CLPB: variants seen among roughly 807,000 people sequenced by gnomAD.
The protein encoded by CLPB is mitochondrial disaggregase.
Under a neutral mutation model 78.4 loss-of-function variants are expected in CLPB, and 40 were observed. That is an observed-to-expected ratio of 0.51 (90% CI 0.40 to 0.66). The LOEUF (loss-of-function observed/expected upper bound fraction) is 0.66. CLPB is among the 30% of genes least tolerant of loss of function. The pLI, the probability that CLPB is intolerant of heterozygous loss-of-function variation, is 0.00. For missense variants in CLPB, 780 were observed against 886.9 expected (o/e 0.88, Z 1.53); for synonymous variants, 333 against 348.0 (o/e 0.96, Z 0.48).
chr11:72,418,933 C>T lies in CLPB; in HGVS notation c.455+11379G>A, dbSNP rs549659670. On this transcript the variant is annotated intron_variant, in intron 2 of 15. Coordinates refer to ENST00000538039, the MANE Select transcript of CLPB (RefSeq NM_001258392.3). ...TGACAGAATCACAAGGAGAGGACGACTGATTGCCTTAGAAGGACTTTGGGC... is the reference window on the plus strand; with the variant it reads ...TGACAGAATCACAAGGAGAGGACGATTGATTGCCTTAGAAGGACTTTGGGC... Among the ~76,000 whole-genome samples, 20 of 151,808 alleles carry T rather than the reference C, an allele frequency of 1.3e-4. 1 individual carries two copies. Among genetic ancestry groups the T allele is most frequent in the African/African-American group, 4.8e-4 (20 of 41,406 alleles).
chr11:72,422,064 G>A (rs142167031), intron 2 of CLPB, among the ~76,000 whole-genome samples: 5,692 of 151,972 alleles, frequency 0.037, 333 homozygotes, highest in African/African-American at 0.12. Context: ...TCAGGAGATC[G>A]AGACCATCTT....
intron 3 of CLPB, among the ~76,000 whole-genome samples, chr11:72,394,690 C>T (rs1855353744): frequency 6.6e-6 from 1 of 152,186 alleles, no homozygotes; most frequent in Non-Finnish European, 1.5e-5. Flanking sequence ...AGCAACGATT[C>T]CAAATGGGAT....
chr11:72,425,747 C>G lies in CLPB; in HGVS notation c.455+4565G>C, dbSNP rs150649274. 2.1e-4 allele frequency among the ~76,000 whole-genome samples: 32 copies of G among 152,270 alleles called. No homozygotes were observed. The East Asian group carries it at 6.2e-3, about 29-fold the overall frequency. On this transcript the variant is annotated intron_variant, in intron 2 of 15. Coordinates refer to ENST00000538039, the MANE Select transcript of CLPB (RefSeq NM_001258392.3). ...AGCAAGTGACTTCCCCTCTGCATAC[C>G]CCCCAGGCTGCTCCTTGCCTTATGC...
intron 4 of CLPB, 67 bp downstream of exon 4, chr11:72,380,214 A>G: frequency 8.1e-7 from 1 of 1,235,226 alleles, no homozygotes; most frequent in Non-Finnish European, 1.2e-6. Flanking sequence ...AGCTGACACC[A>G]CAGAGCAAGG....
intron 3 of CLPB, among the ~76,000 whole-genome samples, chr11:72,401,005 T>C (rs2135076627): frequency 6.6e-6 from 1 of 152,356 alleles, no homozygotes; most frequent in South Asian, 2.1e-4. Context: ...GGCAGATATT[T>C]ACCTAATGTT....
At chr11:72,363,183 A>G (rs1342872917) in intron 4 of CLPB, among the ~76,000 whole-genome samples, 2 of 149,248 alleles carry the variant, frequency 1.3e-5, no homozygotes, top group African/African-American at 2.5e-5. Flanking sequence ...TAAAAGAAGG[A>G]AGGAAGGGAA....
intron 4 of CLPB, among the ~76,000 whole-genome samples, chr11:72,379,626 C>T (rs1854839557): frequency 6.6e-6 from 1 of 152,112 alleles, no homozygotes; most frequent in African/African-American, 2.4e-5. Flanking sequence ...AAACCACCAC[C>T]AACACAACAT....
rs547217716 is a variant in CLPB at position 72,380,176 on chromosome 11, G to A, written c.646+105C>T. On this transcript the variant is annotated intron_variant, in intron 4 of 15. Transcript: ENST00000538039. ...ATGAGTCCACAGAGGTAAAGAACATGCAGGCTGTCACTCTGAGTTGCTGGT... is the reference window on the plus strand; with the variant it reads ...ATGAGTCCACAGAGGTAAAGAACATACAGGCTGTCACTCTGAGTTGCTGGT... 1.2e-5 allele frequency: 10 copies of A among 832,810 alleles called. No individual in the cohort carries two copies. The African/African-American group carries it at 1.5e-4, about 13-fold the overall frequency. 51.6% of individuals were successfully genotyped at this position (832,810 alleles called of 1,614,324 possible).
In CLPB at chr11:72,411,193, T is replaced by C. The variant is rs868065178; in HGVS notation, c.456-8141A>G. On this transcript the variant is annotated intron_variant, in intron 2 of 15. Coordinates refer to ENST00000538039, the MANE Select transcript of CLPB (RefSeq NM_001258392.3). Reference sequence around the variant, plus strand: ...AGCTCGGGGTCTGAATGAATGAATGTCTACAGCACTTACCTACATTAACTT... The same window carrying C: ...AGCTCGGGGTCTGAATGAATGAATGCCTACAGCACTTACCTACATTAACTT... Among the ~76,000 whole-genome samples the C allele has an allele frequency of 9.8e-5, 15 of 152,366 alleles. No individual in the cohort carries two copies. In the Middle Eastern group the frequency reaches 0.01, roughly 104 times the overall value.
At chr11:72,357,707 A>G (rs1223450688) in intron 5 of CLPB, among the ~76,000 whole-genome samples, 1 of 150,798 alleles carries the variant, frequency 6.6e-6, no homozygotes, top group Non-Finnish European at 1.5e-5. Flanking sequence ...CCAGAAAAAA[A>G]AAAAAAAAAA....
At chr11:72,320,870 G>A (rs1433600286) in intron 6 of CLPB, among the ~76,000 whole-genome samples, 3 of 151,932 alleles carry the variant, frequency 2.0e-5, no homozygotes, top group Non-Finnish European at 1.5e-5. Flanking sequence ...CCACCACCAC[G>A]CCCAGCTAGT....
intron 11 of CLPB, among the ~76,000 whole-genome samples, chr11:72,299,395 A>C (rs1422534816): frequency 6.6e-6 from 1 of 152,210 alleles, no homozygotes; most frequent in East Asian, 1.9e-4. Flanking sequence ...AGAGAAATGC[A>C]AACTTCTGTG....
rs574071882 is a variant in CLPB, at chr11:72,421,631, A to G, written c.455+8681T>C. Among the ~76,000 whole-genome samples the G allele has an allele frequency of 2.6e-5, 4 of 152,304 alleles. No homozygotes were observed. The East Asian group carries it at 7.7e-4, about 29-fold the overall frequency. ...CACAGGGCTGGCTGTGCTCCTTTTC[A>G]GTGACATGACCCCTCCCTCCAGGCC... On this transcript the variant is annotated intron_variant, in intron 2 of 15. Transcript: ENST00000538039.
At chr11:72,373,084 G>A in intron 4 of CLPB, 1 of 1,329,174 alleles carries the variant, frequency 7.5e-7, no homozygotes, top group Admixed American at 1.7e-5. Flanking sequence ...CTCTGGGAAG[G>A]GGGCACTCAG....
At chr11:72,297,700 TGTGA>T (rs1425828973) in intron 11 of CLPB, among the ~76,000 whole-genome samples, 1 of 121,966 alleles carries the variant, frequency 8.2e-6, no homozygotes, top group Non-Finnish European at 1.7e-5. Flanking sequence ...TGTGTGTGTG[TGTGA>T]CATGTCCAAG....
At chr11:72,380,215 C>T in intron 4 of CLPB, 66 bp downstream of exon 4, 1 of 1,245,674 alleles carries the variant, frequency 8.0e-7, no homozygotes, top group Non-Finnish European at 1.2e-6. Flanking sequence ...GCTGACACCA[C>T]AGAGCAAGGC....
At chr11:72,294,967 T>C (rs138503642) in intron 12 of CLPB, among the ~76,000 whole-genome samples, 1 of 152,286 alleles carries the variant, frequency 6.6e-6, no homozygotes, top group Non-Finnish European at 1.5e-5. Context: ...GGATTAAGAC[T>C]TGAGTCCTGA....
intron 6 of CLPB, among the ~76,000 whole-genome samples, chr11:72,320,701 A>C (rs1435802517): frequency 6.6e-6 from 1 of 152,038 alleles, no homozygotes; most frequent in East Asian, 1.9e-4. Flanking sequence ...TGAATGACTG[A>C]CTTCTTTTAT....
Position 72,293,542 on chromosome 11 carries a change from C to A in CLPB, c.1859G>T (p.Arg620Leu), listed in dbSNP as rs137882645. The A allele has an allele frequency of 1.6e-5, 26 of 1,614,106 alleles. 1 individual carries two copies. In the Admixed American group the frequency reaches 3.0e-4, roughly 19 times the overall value. ...QDLLPGGCTL[R>L]ITVEDSDKQL... ...CTTGTCTGAGTCCTCCACCGTGATG[C>A]GCAAAGTACAGCCCCCTGGCAGCAG... is the stretch of plus-strand genomic sequence containing the variant. The change falls in exon 16 of 16, where the codon CGC (arginine) becomes CTC (leucine). Residue 620 changes from arginine to leucine, a missense_variant. Arg to Leu is a moderately radical substitution (Grantham distance 102, BLOSUM62 -2). This residue lies in a region of CLPB where 272 missense variants were observed against 304.0 expected (regional missense o/e 0.89). Transcript: ENST00000538039.
Sources: gnomAD v4.1 joint callset for allele counts (sites outside exome capture counted in the v4.1 genomes callset) on GRCh38, gnomAD v4.1.1 for gene constraint, gnomAD v4.1.1 regional missense constraint, MANE v1.5 for transcripts, NCBI Gene and HGNC (gene_info 2026-07-23, HGNC 2026-07-21) for gene names.